MICU2: variants seen among roughly 807,000 people sequenced by gnomAD.
The protein encoded by MICU2 is mitochondrial calcium uptake 2, also known as calcium uptake protein 2, mitochondrial.
A neutral mutation model predicts 60.4 loss-of-function variants in MICU2; 64 were observed. That is an observed-to-expected ratio of 1.06 (90% CI 0.87 to 1.31). MICU2 has a LOEUF of 1.31. Among genes scored for constraint, MICU2 ranks in the 50% most tolerant of loss-of-function variants. The pLI, the probability that MICU2 is intolerant of heterozygous loss-of-function variation, is 0.00. For synonymous variants in MICU2, 201 were observed against 175.0 expected, an observed-to-expected ratio of 1.15 and a Z score of -1.17; for missense variants, 569 against 531.0, an observed-to-expected ratio of 1.07 and a Z score of -0.70.
Position 21,566,197 on chromosome 13 carries a change from ATTT to A in MICU2, c.358+597_358+599del, listed in dbSNP as rs1887976979. ...CTCTCACCCATTTCAGCTGCTGCAT[ATTT>A]ATAGAGAGTATTCCAGTACACTTAG... is the stretch of plus-strand genomic sequence containing the variant. On this transcript the variant is annotated intron_variant, in intron 2 of 11. Transcript: ENST00000382374. 2.0e-5 allele frequency among the ~76,000 whole-genome samples: 3 copies of A among 152,244 alleles called. No individual in the cohort carries two copies. The South Asian group carries it at 6.2e-4, about 32-fold the overall frequency.
chr13:21,548,125 A>C (rs1887458397), intron 2 of MICU2, among the ~76,000 whole-genome samples: 2 of 152,254 alleles, frequency 1.3e-5, no homozygotes, highest in African/African-American at 2.4e-5. Flanking sequence ...GTGCAGTCAC[A>C]AAAACAGTAT....
rs1178529268 is a variant in MICU2, at chr13:21,583,600, T to G, written c.211-16656A>C. Among the ~76,000 whole-genome samples, 3 of 152,236 alleles carry G rather than the reference T, an allele frequency of 2.0e-5. 1 individual carries two copies. The highest frequency in any genetic ancestry group is 7.2e-5 in the African/African-American group (3 of 41,468). ...AGCCTTTGGGAAGTGCTCAGCTGTT[T>G]CCTGTTTTTCCTTTGCAGTAGGGCA... On this transcript the variant is annotated intron_variant, in intron 1 of 11. Coordinates refer to ENST00000382374, the MANE Select transcript of MICU2 (RefSeq NM_152726.3).
chr13:21,515,538 C>G (rs1188541587), intron 6 of MICU2: 1 of 438,690 alleles, frequency 2.3e-6, no homozygotes, highest in Non-Finnish European at 4.6e-6. Flanking sequence ...ACCTACCTGC[C>G]TTTCAGAATC....
chr13:21,549,002 C>T (rs1195050750), intron 2 of MICU2, among the ~76,000 whole-genome samples: 7 of 145,930 alleles, frequency 4.8e-5, no homozygotes. Flanking sequence ...TCTTGGTTCA[C>T]CGCAAGCTCT....
intron 2 of MICU2, among the ~76,000 whole-genome samples, chr13:21,549,509 A>G (rs1887499817): frequency 6.6e-6 from 1 of 152,194 alleles, no homozygotes; most frequent in Non-Finnish European, 1.5e-5. Context: ...CGTGCACCAT[A>G]ATAAATTCTG....
At chr13:21,514,619 C>T (rs998914828) in intron 6 of MICU2, among the ~76,000 whole-genome samples, 2 of 151,708 alleles carry the variant, frequency 1.3e-5, no homozygotes, top group African/African-American at 2.4e-5. Flanking sequence ...CTGCAAGTTT[C>T]GCCCCCAGGT....
At chr13:21,495,412 C>A in intron 10 of MICU2, 94 bp from the exon 11 acceptor site, 1 of 1,265,010 alleles carries the variant, frequency 7.9e-7, no homozygotes, top group South Asian at 2.1e-5. Context: ...AAAAGCAAAT[C>A]CAAATTTTTA....
chr13:21,546,867 T>C (rs914251965), intron 2 of MICU2, among the ~76,000 whole-genome samples: 1 of 152,232 alleles, frequency 6.6e-6, no homozygotes, highest in Admixed American at 6.5e-5. Flanking sequence ...AAACTTACTA[T>C]TAGTTCTAAT....
intron 8 of MICU2, among the ~76,000 whole-genome samples, chr13:21,506,704 C>A (rs1436469689): frequency 6.6e-6 from 1 of 152,184 alleles, no homozygotes; most frequent in Non-Finnish European, 1.5e-5. Context: ...CCTCTTCTTC[C>A]TGTCACAATG....
intron 8 of MICU2, among the ~76,000 whole-genome samples, chr13:21,508,895 C>T (rs896949184): frequency 6.6e-6 from 1 of 152,160 alleles, no homozygotes; most frequent in African/African-American, 2.4e-5. Context: ...TTCTGTGCTA[C>T]CCAAATACCC....
intron 2 of MICU2, among the ~76,000 whole-genome samples, chr13:21,555,715 A>T (rs933389663): frequency 7.3e-5 from 11 of 151,548 alleles, no homozygotes; most frequent in African/African-American, 2.7e-4. Context: ...CTGTTTTATA[A>T]GGCTATTTCT....
chr13:21,506,957 T>C (rs1320900075), intron 8 of MICU2, among the ~76,000 whole-genome samples: 1 of 152,256 alleles, frequency 6.6e-6, no homozygotes, highest in East Asian at 1.9e-4. Flanking sequence ...TTAATTTGGC[T>C]AGTACGTTAG....
At chr13:21,586,743 C>T (rs905058522) in intron 1 of MICU2, among the ~76,000 whole-genome samples, 2 of 152,142 alleles carry the variant, frequency 1.3e-5, no homozygotes, top group African/African-American at 4.8e-5. Flanking sequence ...TTCCTTATAG[C>T]TTAAGCTTAT....
At chr13:21,551,339 C>T (rs927528873) in intron 2 of MICU2, 1 of 152,348 alleles carries the variant, frequency 6.6e-6, no homozygotes, top group Non-Finnish European at 1.5e-5. Context: ...TACGTGTCAT[C>T]CTTGCATAGG....
At chr13:21,501,600 T>C (rs1886168273) in intron 9 of MICU2, among the ~76,000 whole-genome samples, 1 of 152,216 alleles carries the variant, frequency 6.6e-6, no homozygotes. Context: ...AATGGTATTT[T>C]TATTGAAACC....
intron 2 of MICU2, 126 bp from the exon 3 acceptor site, chr13:21,539,814 G>C: frequency 1.2e-6 from 1 of 862,930 alleles, no homozygotes; most frequent in Non-Finnish European, 1.7e-6. Context: ...GCAAAGGCTT[G>C]TAATTTTAGC....
chr13:21,579,558 T>C (rs570016069), intron 1 of MICU2, among the ~76,000 whole-genome samples: 1 of 152,222 alleles, frequency 6.6e-6, no homozygotes, highest in East Asian at 1.9e-4. Flanking sequence ...GCCAGGCTGG[T>C]CTTGAACTCC....
rs1026980720 is a variant in MICU2 at position 21,593,783 on chromosome 13, A to C, written c.210+10156T>G. ...CCTGACAAAAACAAGCAATGGGGAA[A>C]GGATTACCTATTTAATAAGTGGTGC... On this transcript the variant is annotated intron_variant, in intron 1 of 11. Transcript: ENST00000382374. Among the ~76,000 whole-genome samples the C allele has an allele frequency of 3.3e-5, 5 of 152,306 alleles. No homozygotes were observed. In the South Asian group the frequency reaches 1.0e-3, roughly 32 times the overall value.
chr13:21,549,068 G>C (rs1399262626), intron 2 of MICU2, among the ~76,000 whole-genome samples: 1 of 151,768 alleles, frequency 6.6e-6, no homozygotes, highest in Non-Finnish European at 1.5e-5. Flanking sequence ...TGGGACTACA[G>C]GCGCCCGCCA....
Sources: gnomAD v4.1 joint callset for allele counts (sites outside exome capture counted in the v4.1 genomes callset) on GRCh38, gnomAD v4.1.1 for gene constraint, MANE v1.5 for transcripts, NCBI Gene and HGNC (gene_info 2026-07-23, HGNC 2026-07-21) for gene names.